Variants in CYP7B1 observed in about 807,000 individuals in gnomAD.
The protein encoded by CYP7B1 is cytochrome P450 7B1.
A neutral mutation model predicts 42.7 loss-of-function variants in CYP7B1; 29 were observed. The observed-to-expected ratio is 0.68, with a 90% CI of 0.51 to 0.93. The LOEUF is 0.93. CYP7B1 is among the 40% of genes least tolerant of loss of function. The pLI is 0.00. For synonymous variants in CYP7B1, 235 were observed against 218.2 expected, an observed-to-expected ratio of 1.08 and a Z score of -0.68; for missense variants, 655 against 600.5, an observed-to-expected ratio of 1.09 and a Z score of -0.95.
chr8:64,675,913 C>T (rs1020050675), intron 1 of CYP7B1, among the ~76,000 whole-genome samples: 3 of 152,086 alleles, frequency 2.0e-5, no homozygotes, highest in Non-Finnish European at 2.9e-5. Flanking sequence ...ATCCTAGGAC[C>T]ATACACCCCC....
intron 1 of CYP7B1, among the ~76,000 whole-genome samples, chr8:64,745,682 G>T (rs909294247): frequency 4.6e-5 from 7 of 152,144 alleles, no homozygotes; most frequent in African/African-American, 1.4e-4. Flanking sequence ...TTCCAAGCCT[G>T]TTTCCTACTG....
chr8:64,724,628 G>T (rs1482105178), intron 1 of CYP7B1, among the ~76,000 whole-genome samples: 1 of 152,152 alleles, frequency 6.6e-6, no homozygotes, highest in Admixed American at 6.5e-5. Context: ...AGGTTAACAG[G>T]CAGCTTTGCA....
chr8:64,787,007 A>C (rs2129707557), intron 1 of CYP7B1, among the ~76,000 whole-genome samples: 1 of 152,332 alleles, frequency 6.6e-6, no homozygotes, highest in Non-Finnish European at 1.5e-5. Context: ...GCTGGAGCTG[A>C]GGCATCTGGG....
At chr8:64,659,411 C>A (rs914955123) in intron 1 of CYP7B1, among the ~76,000 whole-genome samples, 2 of 152,072 alleles carry the variant, frequency 1.3e-5, no homozygotes, top group African/African-American at 2.4e-5. Context: ...GTGCAGTATT[C>A]CCCTGAATAA....
At chr8:64,739,236 C>A (rs116783929) in intron 1 of CYP7B1, among the ~76,000 whole-genome samples, 2,069 of 152,226 alleles carry the variant, frequency 0.014, 38 homozygotes, top group African/African-American at 0.047. Flanking sequence ...GGAATACAGG[C>A]CCCCTAAAAG....
intron 1 of CYP7B1, among the ~76,000 whole-genome samples, chr8:64,689,467 G>T (rs1806705959): frequency 6.6e-6 from 1 of 152,122 alleles, no homozygotes; most frequent in African/African-American, 2.4e-5. Context: ...CTTCTGTGCT[G>T]TTATTTATGA....
chr8:64,785,080 T>C (rs978797238), intron 1 of CYP7B1, among the ~76,000 whole-genome samples: 8 of 152,176 alleles, frequency 5.3e-5, no homozygotes, highest in African/African-American at 1.7e-4. Context: ...AAAGAAGATA[T>C]ATAAATGGCA....
chr8:64,674,213 G>A (rs1304458465), intron 1 of CYP7B1, among the ~76,000 whole-genome samples: 1 of 152,130 alleles, frequency 6.6e-6, no homozygotes, highest in African/African-American at 2.4e-5. Flanking sequence ...GGATTTAACA[G>A]CTGAGTACTG....
At chr8:64,599,507 A>T (rs975178923) in intron 5 of CYP7B1, among the ~76,000 whole-genome samples, 1 of 152,184 alleles carries the variant, frequency 6.6e-6, no homozygotes, top group Non-Finnish European at 1.5e-5. Context: ...AATTCTTTAC[A>T]GTGACCATAA....
At chr8:64,631,462 C>T (rs557680537) in intron 1 of CYP7B1, among the ~76,000 whole-genome samples, 1 of 152,224 alleles carries the variant, frequency 6.6e-6, no homozygotes, top group South Asian at 2.1e-4. Context: ...AACTGTAAAA[C>T]TCCTAGAAGA....
At chr8:64,732,969 G>A (rs527386895) in intron 1 of CYP7B1, 1 of 152,214 alleles carries the variant, frequency 6.6e-6, no homozygotes, top group South Asian at 2.1e-4. Context: ...AATCTCTTTG[G>A]AAGGGCAAAA....
chr8:64,695,087 C>T (rs1042983635), intron 1 of CYP7B1, among the ~76,000 whole-genome samples: 4 of 152,086 alleles, frequency 2.6e-5, no homozygotes, highest in African/African-American at 9.7e-5. Context: ...TTATATGCTG[C>T]TGACTAAAAA....
At chr8:64,797,093 G>A (rs943564605) in intron 1 of CYP7B1, among the ~76,000 whole-genome samples, 1 of 152,154 alleles carries the variant, frequency 6.6e-6, no homozygotes, top group Non-Finnish European at 1.5e-5. Flanking sequence ...GAATATCTCA[G>A]TAAAATAATT....
At chr8:64,693,480 G>A (rs1445231988) in intron 1 of CYP7B1, among the ~76,000 whole-genome samples, 4 of 152,208 alleles carry the variant, frequency 2.6e-5, no homozygotes, top group African/African-American at 9.7e-5. Flanking sequence ...TCACAACACT[G>A]CGCAAGTGAG....
intron 1 of CYP7B1, among the ~76,000 whole-genome samples, chr8:64,671,479 T>C (rs1017254450): frequency 6.6e-6 from 1 of 152,170 alleles, no homozygotes; most frequent in Non-Finnish European, 1.5e-5. Context: ...TATAATCAGT[T>C]ACTTTTAATT....
At chr8:64,650,346 T>C (rs1445421327) in intron 1 of CYP7B1, among the ~76,000 whole-genome samples, 1 of 152,206 alleles carries the variant, frequency 6.6e-6, no homozygotes, top group Non-Finnish European at 1.5e-5. Flanking sequence ...ATCAGTCATA[T>C]ATAGAAATAC....
chr8:64,604,201 G>A (rs1212079816), intron 5 of CYP7B1, among the ~76,000 whole-genome samples: 1 of 152,130 alleles, frequency 6.6e-6, no homozygotes, highest in Non-Finnish European at 1.5e-5. Flanking sequence ...TCAAGAAGGG[G>A]CACATACCTT....
At chr8:64,670,654 T>C (rs1203788826) in intron 1 of CYP7B1, among the ~76,000 whole-genome samples, 1 of 152,120 alleles carries the variant, frequency 6.6e-6, no homozygotes, top group East Asian at 1.9e-4. Context: ...AGAAAACAGC[T>C]CATTGTCATT....
intron 1 of CYP7B1, among the ~76,000 whole-genome samples, chr8:64,715,610 A>C (rs2129632752): frequency 6.6e-6 from 1 of 152,304 alleles, no homozygotes; most frequent in Admixed American, 6.5e-5. Context: ...CACCCCTACA[A>C]AAATCCTCAT....
Sources: allele counts gnomAD v4.1 joint callset (sites outside exome capture counted in the v4.1 genomes callset), GRCh38; gene constraint gnomAD v4.1.1; transcripts MANE v1.5; gene names NCBI Gene and HGNC (gene_info 2026-07-23, HGNC 2026-07-21).